Variants in CDC73 observed in about 807,000 individuals in gnomAD.
CDC73 encodes parafibromin.
CDC73 carries 21 observed loss-of-function variants against 83.7 expected under a neutral mutation model. The ratio of observed to expected loss-of-function variants is 0.25; its 90% CI spans 0.18 to 0.36. CDC73 has a LOEUF of 0.36. Among genes scored for constraint, CDC73 ranks in the 10% least tolerant of loss-of-function variants. The probability of loss-of-function intolerance (pLI) is 1.00; values close to 1 mark genes in which losing one functional copy is unlikely to be tolerated. For synonymous variants in CDC73, 224 were observed against 212.9 expected (o/e 1.05, Z -0.45); for missense variants, 342 against 653.3 (o/e 0.52, Z 5.19).
chr1:193,233,553 G>A (rs1241140591), intron 14 of CDC73, among the ~76,000 whole-genome samples: 1 of 152,162 alleles, frequency 6.6e-6, no homozygotes, highest in Non-Finnish European at 1.5e-5. Flanking sequence ...TTTTGGATAA[G>A]TAAACTTGAT....
chr1:193,232,163 T>G (rs1677672401), intron 13 of CDC73, among the ~76,000 whole-genome samples: 1 of 152,144 alleles, frequency 6.6e-6, no homozygotes, highest in Admixed American at 6.5e-5. Context: ...CTGATTTAAT[T>G]TTCATACTTT....
At chr1:193,202,498 A>C (rs956944640) in intron 10 of CDC73, among the ~76,000 whole-genome samples, 2 of 152,032 alleles carry the variant, frequency 1.3e-5, no homozygotes, top group African/African-American at 4.8e-5. Context: ...CAAACAATAC[A>C]TCTATGAAAC....
At chr1:193,149,231 G>T (rs1676062754) in intron 8 of CDC73, among the ~76,000 whole-genome samples, 1 of 152,080 alleles carries the variant, frequency 6.6e-6, no homozygotes, top group South Asian at 2.1e-4. Context: ...TGGCACCAGG[G>T]ACCAGTTTCG....
At chr1:193,140,786 A>T (rs1675893410) in intron 6 of CDC73, among the ~76,000 whole-genome samples, 1 of 152,164 alleles carries the variant, frequency 6.6e-6, no homozygotes, top group Non-Finnish European at 1.5e-5. Context: ...AAACTTACGA[A>T]TTATTTATTT....
chr1:193,131,142 G>C (rs537521883), intron 3 of CDC73, among the ~76,000 whole-genome samples: 3 of 151,920 alleles, frequency 2.0e-5, no homozygotes, highest in Non-Finnish European at 4.4e-5. Flanking sequence ...ATGTTTCCTT[G>C]AATGTTGAAT....
At chr1:193,206,658 G>A (rs917301967) in intron 11 of CDC73, among the ~76,000 whole-genome samples, 7 of 152,150 alleles carry the variant, frequency 4.6e-5, no homozygotes, top group Admixed American at 3.3e-4. Flanking sequence ...TAAGAAGGGG[G>A]ATTATAGAAG....
chr1:193,168,982 A>G (rs1320924186), intron 10 of CDC73, among the ~76,000 whole-genome samples: 2 of 152,190 alleles, frequency 1.3e-5, no homozygotes, highest in Non-Finnish European at 2.9e-5. Context: ...TCAACCATTT[A>G]AAGTGTAAAA....
rs1678034550 is a variant in CDC73, at chr1:193,250,940, GT to G, written c.*234del. 9.7e-6 allele frequency: 5 copies of G among 513,824 alleles called. No individual in the cohort carries two copies. The Admixed American group carries it at 1.7e-4, about 17-fold the overall frequency. 31.8% of individuals were successfully genotyped at this position (513,824 alleles called of 1,614,324 possible). On this transcript the variant is annotated 3_prime_UTR_variant, in exon 17 of 17. Coordinates refer to ENST00000367435, the MANE Select transcript of CDC73 (RefSeq NM_024529.5). Reference sequence around the variant, plus strand: ...ATGGAAATTGTATATTTTGATAGAAGTTTTTTCTCCATTGGTTAAATTAGCA... The same window carrying G: ...ATGGAAATTGTATATTTTGATAGAAGTTTTTCTCCATTGGTTAAATTAGCA...
chr1:193,171,315 T>A (rs1676515282), intron 10 of CDC73, among the ~76,000 whole-genome samples: 1 of 152,202 alleles, frequency 6.6e-6, no homozygotes. Context: ...GTTCTGTAAA[T>A]CCAAGGTTCA....
At chr1:193,180,826 G>A in intron 10 of CDC73, 1 of 1,613,964 alleles carries the variant, frequency 6.2e-7, no homozygotes, top group Non-Finnish European at 8.5e-7. Context: ...CATAACATAT[G>A]GAATATGTGG....
intron 3 of CDC73, 113 bp downstream of exon 3, chr1:193,130,356 C>G: frequency 1.3e-6 from 1 of 770,482 alleles, no homozygotes; most frequent in Non-Finnish European, 2.3e-6. Flanking sequence ...AATTAACCTA[C>G]CTTCATTTTT....
chr1:193,123,490 G>A (rs1335532836), intron 1 of CDC73, among the ~76,000 whole-genome samples: 2 of 152,190 alleles, frequency 1.3e-5, no homozygotes, highest in African/African-American at 4.8e-5. Context: ...ACTTCCCAAA[G>A]TGCTTGGATT....
chr1:193,147,791 C>G, intron 7 of CDC73, 76 bp from the exon 8 acceptor site: 1 of 828,406 alleles, frequency 1.2e-6, no homozygotes, highest in Non-Finnish European at 2.0e-6. Flanking sequence ...AGTAAGATAA[C>G]TTAGTCTTAA....
At position 193,220,157 on chromosome 1, in the gene CDC73, CTTTTTTTTT is replaced by C. The variant is rs776793164; in HGVS notation, c.1154+7699_1154+7707del. On this transcript the variant is annotated intron_variant, in intron 13 of 16. Coordinates refer to ENST00000367435, the MANE Select transcript of CDC73 (RefSeq NM_024529.5). ...TTTCTCAGTAAAGTAACAATGATAA[CTTTTTTTTT>C]TTTTTTTTTTTTTTTTTTGAGACGG... Among the ~76,000 whole-genome samples, 8 of 108,776 alleles carry C rather than the reference CTTTTTTTTT, an allele frequency of 7.4e-5. No individual in the cohort carries two copies. The East Asian group carries it at 8.0e-4, about 11-fold the overall frequency. The allele number at this position is 108,776 out of a possible 152,430, so 71.4% of individuals were successfully genotyped here. A position where few individuals can be genotyped will look rare whatever the true frequency, so the allele number is the denominator to read the frequency against.
intron 7 of CDC73, 32 bp downstream of exon 7, chr1:193,142,098 T>TGAGAGAGA: frequency 7.0e-7 from 1 of 1,436,712 alleles, no homozygotes. Flanking sequence ...TTCATTGGAG[T>TGAGAGAGA]GAGAGAGAGA....
At chr1:193,147,250 C>T (rs1033373415) in intron 7 of CDC73, among the ~76,000 whole-genome samples, 1 of 152,098 alleles carries the variant, frequency 6.6e-6, no homozygotes, top group African/African-American at 2.4e-5. Flanking sequence ...CCTCTGCCTC[C>T]CAAAGTGCTG....
chr1:193,222,128 T>C (rs563960377), intron 13 of CDC73, among the ~76,000 whole-genome samples: 1 of 152,314 alleles, frequency 6.6e-6, no homozygotes, highest in East Asian at 1.9e-4. Context: ...ACTTTACATC[T>C]ATAAACATGA....
chr1:193,197,763 T>TA (rs1336189703), intron 10 of CDC73, among the ~76,000 whole-genome samples: 1 of 151,708 alleles, frequency 6.6e-6, no homozygotes, highest in Non-Finnish European at 1.5e-5. Flanking sequence ...CCGTCTCTAC[T>TA]AAAAATAGAA....
chr1:193,198,684 G>A (rs560922118), intron 10 of CDC73, among the ~76,000 whole-genome samples: 82 of 152,362 alleles, frequency 5.4e-4, no homozygotes, highest in South Asian at 1.0e-3. Context: ...TTGGAATTAA[G>A]GGAAGAGAGA....
Sources: gnomAD v4.1 joint callset for allele counts (sites outside exome capture counted in the v4.1 genomes callset) on GRCh38, gnomAD v4.1.1 for gene constraint, MANE v1.5 for transcripts, NCBI Gene and HGNC (gene_info 2026-07-23, HGNC 2026-07-21) for gene names.